FAM117B: variants seen among roughly 807,000 people sequenced by gnomAD.
The protein encoded by FAM117B is family with sequence similarity 117 member B.
A neutral mutation model predicts 52.8 loss-of-function variants in FAM117B; 22 were observed. That is an observed-to-expected ratio of 0.42 (90% CI 0.30 to 0.59). FAM117B has a LOEUF of 0.59. Ranked by LOEUF, FAM117B falls within the 20% of genes least tolerant of loss-of-function variation. The probability of loss-of-function intolerance (pLI) is 0.22; values close to 1 mark genes in which losing one functional copy is unlikely to be tolerated. For missense variants in FAM117B, 678 were observed against 802.6 expected (o/e 0.84, Z 1.88); for synonymous variants, 309 against 324.1 (o/e 0.95, Z 0.50).
At chr2:202,741,803 G>A (rs1364729788) in intron 4 of FAM117B, among the ~76,000 whole-genome samples, 1 of 152,116 alleles carries the variant, frequency 6.6e-6, no homozygotes, top group African/African-American at 2.4e-5. Context: ...CCCAACCTGG[G>A]ATTACAGGCT....
At chr2:202,688,398 A>G (rs997516354) in intron 1 of FAM117B, among the ~76,000 whole-genome samples, 5 of 152,146 alleles carry the variant, frequency 3.3e-5, no homozygotes, top group African/African-American at 9.7e-5. Flanking sequence ...CAAGAAGTTT[A>G]GATAGTGGAT....
At chr2:202,683,229 G>A (rs1690489946) in intron 1 of FAM117B, among the ~76,000 whole-genome samples, 1 of 152,172 alleles carries the variant, frequency 6.6e-6, no homozygotes, top group Non-Finnish European at 1.5e-5. Flanking sequence ...TCAGGAGGCT[G>A]AGGCAGGAGA....
intron 5 of FAM117B, among the ~76,000 whole-genome samples, chr2:202,756,187 TG>T (rs1221186804): frequency 1.3e-5 from 2 of 152,178 alleles, no homozygotes; most frequent in African/African-American, 4.8e-5. Context: ...GAGGCCAAGG[TG>T]GGCGGATCAC....
At chr2:202,715,773 G>C (rs1036200059) in intron 2 of FAM117B, among the ~76,000 whole-genome samples, 1 of 152,256 alleles carries the variant, frequency 6.6e-6, no homozygotes, top group African/African-American at 2.4e-5. Flanking sequence ...TCAGGCCACC[G>C]CACTCCAGCC....
chr2:202,675,237 A>AAC (rs1559099643), intron 1 of FAM117B, among the ~76,000 whole-genome samples: 1 of 151,368 alleles, frequency 6.6e-6, no homozygotes, highest in Non-Finnish European at 1.5e-5. Flanking sequence ...TAAAAAAAAA[A>AAC]AACAACAACA....
At chr2:202,699,449 G>GAAAAAAAAAAAAAAAAAAAAA (rs59522030) in intron 2 of FAM117B, among the ~76,000 whole-genome samples, 1 of 100,030 alleles carries the variant, frequency 1.0e-5, no homozygotes, top group Non-Finnish European at 1.9e-5. Context: ...AAAAAAAAAA[G>GAAAAAAAAAAAAAAAAAAAAA]AAAAAAAAAA....
intron 4 of FAM117B, among the ~76,000 whole-genome samples, chr2:202,737,861 C>A (rs1000044919): frequency 2.0e-5 from 3 of 152,180 alleles, no homozygotes; most frequent in African/African-American, 7.2e-5. Context: ...CTCGACCTCC[C>A]AAAGTGCTGG....
intron 3 of FAM117B, 89 bp downstream of exon 3, chr2:202,725,098 C>T (rs1047260937): frequency 2.1e-5 from 20 of 935,338 alleles, no homozygotes; most frequent in East Asian, 2.7e-5. Context: ...AAGGATTTGT[C>T]GTTTTCCATT....
intron 4 of FAM117B, among the ~76,000 whole-genome samples, chr2:202,728,966 T>C (rs957742354): frequency 2.0e-5 from 3 of 152,244 alleles, no homozygotes; most frequent in African/African-American, 7.2e-5. Flanking sequence ...TCTCCCATTT[T>C]ATTTAGTGTT....
At chr2:202,708,360 T>G (rs1690907040) in intron 2 of FAM117B, among the ~76,000 whole-genome samples, 2 of 152,226 alleles carry the variant, frequency 1.3e-5, no homozygotes, top group Admixed American at 1.3e-4. Flanking sequence ...TAGTAGGATG[T>G]CCTCACAGTT....
chr2:202,654,647 C>A (rs1690025233), intron 1 of FAM117B, among the ~76,000 whole-genome samples: 1 of 151,290 alleles, frequency 6.6e-6, no homozygotes, highest in Non-Finnish European at 1.5e-5. Context: ...GGTAATAGAA[C>A]AGTTTCCCCT....
intron 1 of FAM117B, among the ~76,000 whole-genome samples, chr2:202,660,085 G>GTTTCAATTCATTTAGT (rs1394689716): frequency 6.6e-6 from 1 of 151,416 alleles, no homozygotes; most frequent in Non-Finnish European, 1.5e-5. Flanking sequence ...TTTTCATTTA[G>GTTTCAATTCATTTAGT]TTCTTTTTTA....
At chr2:202,747,920 A>T (rs1395545937) in intron 4 of FAM117B, among the ~76,000 whole-genome samples, 1 of 152,120 alleles carries the variant, frequency 6.6e-6, no homozygotes, top group African/African-American at 2.4e-5. Context: ...TTAATTGTTT[A>T]TGTTAAAGTA....
chr2:202,654,346 T>A (rs1690022231), intron 1 of FAM117B, among the ~76,000 whole-genome samples: 1 of 152,036 alleles, frequency 6.6e-6, no homozygotes, highest in Non-Finnish European at 1.5e-5. Context: ...TTGTTCTCTA[T>A]CTGTTTGGAG....
chr2:202,654,172 A>G (rs960986118), intron 1 of FAM117B, among the ~76,000 whole-genome samples: 2 of 151,954 alleles, frequency 1.3e-5, no homozygotes, highest in African/African-American at 4.8e-5. Flanking sequence ...AGACAGTAAT[A>G]TTAAATTTTA....
chr2:202,747,710 A>C (rs1043494716), intron 4 of FAM117B, among the ~76,000 whole-genome samples: 1 of 152,122 alleles, frequency 6.6e-6, no homozygotes, highest in African/African-American at 2.4e-5. Context: ...ACAATAGCTA[A>C]AAAAGAACAA....
In FAM117B at chr2:202,765,879, CAT is replaced by C. The variant is rs927467688; in HGVS notation, c.*116_*117del. 9.9e-6 allele frequency: 11 copies of C among 1,109,154 alleles called. No individual in the cohort carries two copies. Among genetic ancestry groups the C allele is most frequent in the Non-Finnish European group, 1.3e-5 (10 of 787,872 alleles). 68.7% of individuals were successfully genotyped at this position (1,109,154 alleles called of 1,614,324 possible). A position where few individuals can be genotyped will look rare whatever the true frequency, so the allele number is the denominator to read the frequency against. ...GTGATGTGCTCCAGCTTTCCAGTGA[CAT>C]GTGACGGCGAGGCTTCTGGAAGAAA... On this transcript the variant is annotated 3_prime_UTR_variant, in exon 8 of 8. Coordinates refer to ENST00000392238, the MANE Select transcript of FAM117B (RefSeq NM_173511.4).
intron 2 of FAM117B, among the ~76,000 whole-genome samples, chr2:202,699,429 AAAAAAAAAAAAAAAAAAAAG>A (rs1690762778): frequency 2.3e-5 from 3 of 130,946 alleles, no homozygotes; most frequent in African/African-American, 9.5e-5. Flanking sequence ...CCCATCTCAA[AAAAAAAAAAAAAAAAAAAAG>A]AAAAAAAAAA....
intron 1 of FAM117B, among the ~76,000 whole-genome samples, chr2:202,652,263 T>C (rs1249372937): frequency 6.6e-6 from 1 of 151,988 alleles, no homozygotes; most frequent in African/African-American, 2.4e-5. Flanking sequence ...CTTGCCAGGC[T>C]AATTTCTTTA....
Sources: gnomAD v4.1 joint callset for allele counts (sites outside exome capture counted in the v4.1 genomes callset) on GRCh38, gnomAD v4.1.1 for gene constraint, MANE v1.5 for transcripts, NCBI Gene and HGNC (gene_info 2026-07-23, HGNC 2026-07-21) for gene names.